ARL15: variants seen among roughly 807,000 people sequenced by gnomAD.
ARL15 encodes ARF like GTPase 15.
ARL15 carries 19 observed loss-of-function variants against 25.2 expected under a neutral mutation model. That is an observed-to-expected ratio of 0.75 (90% CI 0.53 to 1.10). The LOEUF (loss-of-function observed/expected upper bound fraction) is 1.10. Among genes scored for constraint, ARL15 ranks in the 50% least tolerant of loss-of-function variants. The probability of loss-of-function intolerance (pLI) is 0.00; values close to 1 mark genes in which losing one functional copy is unlikely to be tolerated. For missense variants in ARL15, 220 were observed against 246.0 expected, an observed-to-expected ratio of 0.89 and a Z score of 0.71; for synonymous variants, 94 against 86.8, an observed-to-expected ratio of 1.08 and a Z score of -0.46.
intron 1 of ARL15, among the ~76,000 whole-genome samples, chr5:54,244,317 A>G (rs1403948578): frequency 6.6e-6 from 1 of 152,238 alleles, no homozygotes; most frequent in Non-Finnish European, 1.5e-5. Flanking sequence ...AAGTAGCTTC[A>G]TGAATTTTAT....
intron 1 of ARL15, among the ~76,000 whole-genome samples, chr5:54,280,595 C>T (rs183817379): frequency 3.3e-4 from 51 of 152,308 alleles, no homozygotes; most frequent in African/African-American, 1.2e-3. Context: ...ACTCCCTGCC[C>T]TCAAGGAACT....
chr5:54,180,435 G>A (rs1370245002), intron 1 of ARL15, among the ~76,000 whole-genome samples: 3 of 152,146 alleles, frequency 2.0e-5, no homozygotes, highest in Admixed American at 1.3e-4. Context: ...TAACAAACAG[G>A]GCAAAGGAGT....
At chr5:54,132,465 T>C (rs978231603) in intron 3 of ARL15, among the ~76,000 whole-genome samples, 18 of 152,258 alleles carry the variant, frequency 1.2e-4, no homozygotes, top group African/African-American at 4.1e-4. Flanking sequence ...AAAACAGTCA[T>C]ATTTTTAAGA....
At chr5:54,059,495 G>A (rs1197289243) in intron 4 of ARL15, among the ~76,000 whole-genome samples, 5 of 152,188 alleles carry the variant, frequency 3.3e-5, no homozygotes, top group African/African-American at 1.2e-4. Flanking sequence ...TCATCACTTG[G>A]TTAGAAGACC....
At chr5:54,130,688 G>A (rs1034123270) in intron 3 of ARL15, among the ~76,000 whole-genome samples, 20 of 151,962 alleles carry the variant, frequency 1.3e-4, no homozygotes, top group Non-Finnish European at 2.4e-4. Flanking sequence ...AAACAAGTAG[G>A]GAAAAACAAA....
intron 3 of ARL15, among the ~76,000 whole-genome samples, chr5:54,119,462 G>A (rs548356352): frequency 3.4e-4 from 52 of 152,126 alleles, no homozygotes; most frequent in Admixed American, 9.2e-4. Context: ...AGTCTCAAAT[G>A]AACCAAGATA....
chr5:54,162,537 T>TA (rs1282640389), intron 2 of ARL15, among the ~76,000 whole-genome samples: 3 of 152,202 alleles, frequency 2.0e-5, no homozygotes, highest in Non-Finnish European at 4.4e-5. Flanking sequence ...CACTTGTTAA[T>TA]AACATCCTAC....
Position 54,261,996 on chromosome 5 carries a change from T to C in ARL15, c.48+48436A>G, listed in dbSNP as rs79121029. 1.6e-4 allele frequency among the ~76,000 whole-genome samples: 25 copies of C among 152,290 alleles called. No homozygotes were observed. The East Asian group carries it at 4.6e-3, about 28-fold the overall frequency. ...AATGTATGTTTTCAATATAAGACCT[T>C]TTCTAAAAATCATTAAATCAATGGA... On this transcript the variant is annotated intron_variant, in intron 1 of 4. Coordinates refer to ENST00000504924, the MANE Select transcript of ARL15 (RefSeq NM_019087.3).
chr5:54,197,084 T>G (rs1013191339), intron 1 of ARL15, among the ~76,000 whole-genome samples: 21 of 152,164 alleles, frequency 1.4e-4, no homozygotes, highest in Non-Finnish European at 7.3e-5. Flanking sequence ...CACATAGATT[T>G]GTACTTCCTT....
chr5:54,287,129 C>T (rs1157308067), intron 1 of ARL15, among the ~76,000 whole-genome samples: 5 of 152,048 alleles, frequency 3.3e-5, no homozygotes, highest in South Asian at 4.1e-4. Context: ...ATCCTCCCAC[C>T]TCGGCCTGCC....
chr5:54,284,597 T>A (rs1354065131), intron 1 of ARL15, among the ~76,000 whole-genome samples: 2 of 152,250 alleles, frequency 1.3e-5, no homozygotes, highest in African/African-American at 4.8e-5. Context: ...ACTCTTTAGT[T>A]ACTAAAAACC....
chr5:53,896,142 T>C (rs1744865428), intron 4 of ARL15, among the ~76,000 whole-genome samples: 1 of 152,150 alleles, frequency 6.6e-6, no homozygotes, highest in South Asian at 2.1e-4. Flanking sequence ...CAAGTGATTC[T>C]TGTGCCTCAG....
chr5:53,936,296 T>C (rs997096107), intron 4 of ARL15, among the ~76,000 whole-genome samples: 4 of 152,216 alleles, frequency 2.6e-5, no homozygotes, highest in Non-Finnish European at 5.9e-5. Flanking sequence ...ACCAACTTTA[T>C]GATGTAGCTG....
intron 1 of ARL15, among the ~76,000 whole-genome samples, chr5:54,193,907 T>G (rs149538121): frequency 6.6e-6 from 1 of 152,100 alleles, no homozygotes; most frequent in African/African-American, 2.4e-5. Context: ...TGAATTTTTT[T>G]AAAAAACTGA....
At chr5:54,275,838 C>T (rs942258549) in intron 1 of ARL15, among the ~76,000 whole-genome samples, 2 of 148,562 alleles carry the variant, frequency 1.3e-5, no homozygotes, top group African/African-American at 4.9e-5. Flanking sequence ...GCACCCGCCA[C>T]CACGCCTGGC....
At chr5:54,220,889 G>T (rs1318050673) in intron 1 of ARL15, among the ~76,000 whole-genome samples, 1 of 151,990 alleles carries the variant, frequency 6.6e-6, no homozygotes, top group Non-Finnish European at 1.5e-5. Context: ...CACTAAGATA[G>T]ATAAGTCCTA....
chr5:53,937,388 A>AT (rs1465824928), intron 4 of ARL15, among the ~76,000 whole-genome samples: 1 of 152,170 alleles, frequency 6.6e-6, no homozygotes, highest in Non-Finnish European at 1.5e-5. Flanking sequence ...TTTGTCTAGC[A>AT]TAACTCTTAT....
chr5:54,140,745 T>C (rs150180737), intron 3 of ARL15, among the ~76,000 whole-genome samples: 95 of 152,300 alleles, frequency 6.2e-4, no homozygotes, highest in African/African-American at 2.1e-3. Context: ...TGGAAAACTT[T>C]AACCAAAGAT....
intron 1 of ARL15, among the ~76,000 whole-genome samples, chr5:54,278,040 G>T (rs1213166013): frequency 6.6e-6 from 1 of 152,088 alleles, no homozygotes; most frequent in African/African-American, 2.4e-5. Context: ...TGGCCAAAAG[G>T]GTCCACAACC....
Sources: gnomAD v4.1 joint callset for allele counts (sites outside exome capture counted in the v4.1 genomes callset) on GRCh38, gnomAD v4.1.1 for gene constraint, MANE v1.5 for transcripts, NCBI Gene and HGNC (gene_info 2026-07-23, HGNC 2026-07-21) for gene names.